FER: variants seen among roughly 807,000 people sequenced by gnomAD.
FER encodes tyrosine-protein kinase Fer.
FER carries 63 observed loss-of-function variants against 111.0 expected under a neutral mutation model. That is an observed-to-expected ratio of 0.57 (90% CI 0.46 to 0.70). The LOEUF is 0.70. Ranked by LOEUF, FER falls within the 30% of genes least tolerant of loss-of-function variation. The pLI, the probability that FER is intolerant of heterozygous loss-of-function variation, is 0.00. For missense variants in FER, 914 were observed against 954.0 expected, an observed-to-expected ratio of 0.96 and a Z score of 0.55; for synonymous variants, 327 against 313.9, an observed-to-expected ratio of 1.04 and a Z score of -0.44.
chr5:108,921,217 A>G (rs1390205436), intron 10 of FER, among the ~76,000 whole-genome samples: 1 of 152,028 alleles, frequency 6.6e-6, no homozygotes, highest in Non-Finnish European at 1.5e-5. Flanking sequence ...TTCTACTATT[A>G]CTACAATTAT....
intron 2 of FER, among the ~76,000 whole-genome samples, chr5:108,794,633 T>C (rs2150034986): frequency 6.6e-6 from 1 of 151,342 alleles, no homozygotes; most frequent in South Asian, 2.1e-4. Flanking sequence ...TCATTTATGC[T>C]TAAAGGATAT....
chr5:109,091,835 ATAT>A (rs1746805414), intron 16 of FER, among the ~76,000 whole-genome samples: 1 of 152,190 alleles, frequency 6.6e-6, no homozygotes, highest in African/African-American at 2.4e-5. Context: ...CAATGTGATA[ATAT>A]TAAGAGGTGG....
At chr5:108,993,408 G>A (rs911703890) in intron 13 of FER, among the ~76,000 whole-genome samples, 3 of 152,156 alleles carry the variant, frequency 2.0e-5, no homozygotes, top group African/African-American at 2.4e-5. Context: ...GCGTGGCCGC[G>A]CGCGCCTGCA....
chr5:109,050,689 G>C lies in FER; in HGVS notation c.1924+3491G>C, dbSNP rs149043833. On this transcript the variant is annotated intron_variant, in intron 16 of 19. Coordinates refer to ENST00000281092, the MANE Select transcript of FER (RefSeq NM_005246.4). ...ATGTATAATGCTGAGATTTTCAAAT[G>C]CATGGAAAATCTTATTCTGTGGGCC... 5.9e-3 allele frequency among the ~76,000 whole-genome samples: 902 copies of C among 152,300 alleles called. 6 individuals are homozygous for C. Among genetic ancestry groups the C allele is most frequent in the African/African-American group, 0.021 (864 of 41,560 alleles).
chr5:109,133,182 G>A (rs1195073682), intron 17 of FER, among the ~76,000 whole-genome samples: 1 of 152,188 alleles, frequency 6.6e-6, no homozygotes, highest in African/African-American at 2.4e-5. Context: ...AAGTTTGAAA[G>A]TGACTGTAGG....
chr5:109,058,995 C>G (rs1344840605), intron 16 of FER, among the ~76,000 whole-genome samples: 4 of 152,026 alleles, frequency 2.6e-5, no homozygotes, highest in African/African-American at 9.7e-5. Context: ...CCACCTCAGC[C>G]TCCCTAAGTG....
At chr5:108,986,576 C>T (rs1280621173) in intron 13 of FER, among the ~76,000 whole-genome samples, 1 of 152,054 alleles carries the variant, frequency 6.6e-6, no homozygotes, top group Non-Finnish European at 1.5e-5. Context: ...TTTATAGTTT[C>T]AGATCTTAAA....
chr5:108,764,429 C>T (rs1445397384), intron 1 of FER, among the ~76,000 whole-genome samples: 2 of 151,942 alleles, frequency 1.3e-5, no homozygotes, highest in African/African-American at 4.8e-5. Context: ...CGAAGTTTCA[C>T]TCTTGTTGCC....
chr5:109,109,387 C>T (rs1561905669), intron 17 of FER, among the ~76,000 whole-genome samples: 1 of 152,022 alleles, frequency 6.6e-6, no homozygotes, highest in Non-Finnish European at 1.5e-5. Flanking sequence ...TATTGCTTAT[C>T]TCCCCCAACT....
chr5:108,963,405 TA>T (rs1759393731), intron 13 of FER, among the ~76,000 whole-genome samples: 1 of 151,834 alleles, frequency 6.6e-6, no homozygotes, highest in African/African-American at 2.4e-5. Context: ...CTACTAAAAA[TA>T]CAAAAATTAG....
At chr5:109,095,196 G>C (rs939508199) in intron 16 of FER, among the ~76,000 whole-genome samples, 1 of 152,074 alleles carries the variant, frequency 6.6e-6, no homozygotes, top group Admixed American at 6.6e-5. Flanking sequence ...CACACATTCA[G>C]CTCTGCATTT....
At chr5:108,971,122 A>G (rs1247218957) in intron 13 of FER, among the ~76,000 whole-genome samples, 1 of 152,088 alleles carries the variant, frequency 6.6e-6, no homozygotes, top group Non-Finnish European at 1.5e-5. Context: ...TCATTTTACC[A>G]TGTTTCAAAT....
At chr5:109,092,391 T>C (rs544380232) in intron 16 of FER, among the ~76,000 whole-genome samples, 2 of 128,378 alleles carry the variant, frequency 1.6e-5, no homozygotes, top group African/African-American at 5.8e-5. Context: ...ATATCCAGAA[T>C]AAATAAAGAA....
At chr5:109,030,387 C>G (rs1352800351) in intron 13 of FER, among the ~76,000 whole-genome samples, 2 of 152,108 alleles carry the variant, frequency 1.3e-5, no homozygotes, top group African/African-American at 4.8e-5. Flanking sequence ...TAATTGTACC[C>G]TAGACATATA....
intron 13 of FER, among the ~76,000 whole-genome samples, chr5:109,017,822 A>T (rs1420611398): frequency 3.3e-5 from 5 of 151,954 alleles, no homozygotes; most frequent in South Asian, 2.1e-4. Context: ...AAATTCACAA[A>T]ACCTACTTGT....
At chr5:108,957,503 G>A (rs1758580824) in intron 12 of FER, among the ~76,000 whole-genome samples, 1 of 151,564 alleles carries the variant, frequency 6.6e-6, no homozygotes, top group Non-Finnish European at 1.5e-5. Flanking sequence ...CACTGTTGAT[G>A]GGAATGTAAA....
chr5:109,015,864 C>T (rs1298392878), intron 13 of FER, among the ~76,000 whole-genome samples: 1 of 151,958 alleles, frequency 6.6e-6, no homozygotes, highest in South Asian at 2.1e-4. Context: ...TTTTCCACCT[C>T]CTCATTCCCC....
chr5:108,809,400 G>A (rs1454344948), intron 3 of FER, among the ~76,000 whole-genome samples: 1 of 152,176 alleles, frequency 6.6e-6, no homozygotes, highest in African/African-American at 2.4e-5. Flanking sequence ...CTCCTTAAGT[G>A]AGTTTTTCAA....
At chr5:109,162,496 A>G (rs576008704) in intron 17 of FER, among the ~76,000 whole-genome samples, 327 of 152,302 alleles carry the variant, frequency 2.1e-3, no homozygotes, top group South Asian at 9.3e-3. Context: ...CACATTCCCC[A>G]GCAAGCCTTT....
Sources: gnomAD v4.1 joint callset for allele counts (sites outside exome capture counted in the v4.1 genomes callset) on GRCh38, gnomAD v4.1.1 for gene constraint, MANE v1.5 for transcripts, NCBI Gene and HGNC (gene_info 2026-07-23, HGNC 2026-07-21) for gene names.